Variants in SYNJ2 observed in about 807,000 individuals in gnomAD.
SYNJ2 encodes polyphosphatidylinositol phosphatase SYNJ2.
A neutral mutation model predicts 141.3 loss-of-function variants in SYNJ2; 116 were observed. The observed-to-expected ratio is 0.82, with a 90% CI of 0.71 to 0.96. SYNJ2 has a LOEUF of 0.96. Ranked by LOEUF, SYNJ2 falls within the 40% of genes least tolerant of loss-of-function variation. The probability of loss-of-function intolerance (pLI) is 0.00; values close to 1 mark genes in which losing one functional copy is unlikely to be tolerated. For missense variants in SYNJ2, 1,873 were observed against 1,934.8 expected, an observed-to-expected ratio of 0.97 and a Z score of 0.60; for synonymous variants, 745 against 777.7, an observed-to-expected ratio of 0.96 and a Z score of 0.70.
intron 17 of SYNJ2, 103 bp from the exon 18 acceptor site, chr6:158,078,061 G>T: frequency 1.5e-6 from 1 of 680,966 alleles, no homozygotes; most frequent in Non-Finnish European, 2.5e-6. Context: ...TGGGACGTGG[G>T]GTGGTTCGTG....
At position 158,059,283 on chromosome 6, in the gene SYNJ2, A is replaced by T; in HGVS notation, c.884A>T (p.Tyr295Phe). The T allele has an allele frequency of 2.6e-6, 4 of 1,550,370 alleles. No individual in the cohort carries two copies. In the South Asian group the frequency reaches 3.6e-5, roughly 14 times the overall value. The part of the protein sequence containing the change: ...DRHMVLLKEQ[Y>F]GQQVVVNLLG... ...CACATGGTGCTTCTGAAGGAGCAGT[A>T]CGGGCAGCAGGTGGTCGTGAACCTT... Residue 295 changes from tyrosine to phenylalanine, a missense_variant, in exon 7 of 27, where the codon TAC becomes TTC. Transcript: ENST00000355585.
chr6:158,084,225 G>C lies in SYNJ2; in HGVS notation c.3208+51G>C, dbSNP rs1328929136. ...AGCCTCAGCGATGGAGTCAGCTCAG[G>C]ACAGACTTTCCTTTTTCTCTTGGCG... On this transcript the variant is annotated intron_variant, in intron 22 of 26. Transcript: ENST00000355585. The surrounding 1 kb of genome is among the most constrained non-coding windows in gnomAD (Gnocchi z 5.0). 2 of 1,571,068 alleles carry C rather than the reference G, an allele frequency of 1.3e-6. No homozygotes were observed. The highest frequency in any genetic ancestry group is 1.7e-6 in the Non-Finnish European group (2 of 1,158,236).
intron 1 of SYNJ2, among the ~76,000 whole-genome samples, chr6:157,987,330 T>C (rs901038694): frequency 3.9e-5 from 6 of 152,200 alleles, no homozygotes; most frequent in East Asian, 1.9e-4. Context: ...AAAGTGATCA[T>C]ATATGTGTAC....
At chr6:157,991,610 G>A (rs901521502) in intron 1 of SYNJ2, among the ~76,000 whole-genome samples, 10 of 152,068 alleles carry the variant, frequency 6.6e-5, no homozygotes, top group Admixed American at 6.5e-4. Context: ...GATTCCATGC[G>A]TCTTAAAAGA....
intron 15 of SYNJ2, among the ~76,000 whole-genome samples, chr6:158,073,054 A>G (rs1782035763): frequency 7.4e-6 from 1 of 135,396 alleles, no homozygotes; most frequent in Non-Finnish European, 1.6e-5. Context: ...TCGGCAACAG[A>G]GCGAGACTCT....
rs1782830132 is a variant in SYNJ2, at chr6:158,083,429, G to T, written c.2866G>T (p.Val956Leu). ...CTGGGTGGCCGCTCTGCCCTCCCAG[G>T]TGAAAGGCAGAGCAGTGAAGATTAG... ...LSVLDVDGMK[V>L]KGRAVKIRPK... The change falls in exon 21 of 27, where the codon GTG becomes TTG. Residue 956 changes from valine (V) to leucine (L), a missense_variant and splice_region_variant. By Grantham distance (32) the Val-to-Leu change is conservative (BLOSUM62 1). Transcript: ENST00000355585. The T allele has an allele frequency of 6.2e-7, 1 of 1,613,584 alleles. No individual in the cohort carries two copies. Among genetic ancestry groups the T allele is most frequent in the Non-Finnish European group, 8.5e-7 (1 of 1,179,598 alleles).
chr6:158,091,836 G>GAA (rs1783476834), intron 25 of SYNJ2, among the ~76,000 whole-genome samples: 1 of 151,234 alleles, frequency 6.6e-6, no homozygotes. Flanking sequence ...GTGAAAGAAA[G>GAA]AAAAAAAGGC....
intron 4 of SYNJ2, among the ~76,000 whole-genome samples, chr6:158,038,970 C>A (rs1779788353): frequency 6.6e-6 from 1 of 152,214 alleles, no homozygotes; most frequent in Admixed American, 6.5e-5. Context: ...GGGACCAGGG[C>A]ATGGGCCTGG....
intron 5 of SYNJ2, 98 bp from the exon 6 acceptor site, chr6:158,054,869 G>T: frequency 7.6e-7 from 1 of 1,314,600 alleles, no homozygotes. Context: ...GGTGCCACAT[G>T]CAGCCTGGCT....
intron 1 of SYNJ2, among the ~76,000 whole-genome samples, chr6:158,009,018 C>T (rs1376653184): frequency 1.3e-5 from 2 of 152,186 alleles, no homozygotes; most frequent in Non-Finnish European, 2.9e-5. Context: ...GTGCTTCTGC[C>T]GCAGGACCTT....
intron 26 of SYNJ2, chr6:158,093,813 C>A: frequency 1.4e-6 from 1 of 725,978 alleles, no homozygotes; most frequent in Admixed American, 1.8e-5. Flanking sequence ...TTCCCAGATT[C>A]GCCATGTTCA....
chr6:158,003,928 A>C (rs1200212643), intron 1 of SYNJ2, among the ~76,000 whole-genome samples: 1 of 152,204 alleles, frequency 6.6e-6, no homozygotes, highest in Non-Finnish European at 1.5e-5. Flanking sequence ...GGACCACTGG[A>C]GCTGGAGACG....
At chr6:158,026,765 G>A (rs1779069752) in intron 2 of SYNJ2, 1 of 939,886 alleles carries the variant, frequency 1.1e-6, no homozygotes, top group Non-Finnish European at 1.3e-6. Flanking sequence ...AGCCACAGGG[G>A]CCATCCTCCT....
At chr6:158,014,195 G>A (rs1286554217) in intron 1 of SYNJ2, among the ~76,000 whole-genome samples, 1 of 152,200 alleles carries the variant, frequency 6.6e-6, no homozygotes, top group Non-Finnish European at 1.5e-5. Context: ...AGGCTAACAT[G>A]TGTTCTGGAT....
intron 1 of SYNJ2, among the ~76,000 whole-genome samples, chr6:157,995,521 C>T (rs1368127641): frequency 6.6e-6 from 1 of 152,232 alleles, no homozygotes; most frequent in Non-Finnish European, 1.5e-5. Flanking sequence ...GGATCATACA[C>T]TCAGGAAAGC....
intron 2 of SYNJ2, among the ~76,000 whole-genome samples, chr6:158,023,707 T>C (rs1000104651): frequency 2.0e-5 from 3 of 151,988 alleles, no homozygotes; most frequent in Non-Finnish European, 2.9e-5. Flanking sequence ...AGGAAGTAAC[T>C]CCCCCTAGGA....
chr6:158,049,514 A>G (rs921201963), intron 5 of SYNJ2, among the ~76,000 whole-genome samples: 1 of 152,202 alleles, frequency 6.6e-6, no homozygotes, highest in African/African-American at 2.4e-5. Context: ...CTTTTGCCCA[A>G]GGCCTCACTG....
chr6:158,018,368 C>T (rs1015354850), intron 2 of SYNJ2, among the ~76,000 whole-genome samples: 1 of 152,168 alleles, frequency 6.6e-6, no homozygotes, highest in African/African-American at 2.4e-5. Context: ...AGACAAGAGC[C>T]CAGTCGCATT....
intron 1 of SYNJ2, among the ~76,000 whole-genome samples, chr6:158,014,077 T>C (rs1355592765): frequency 6.6e-6 from 1 of 152,246 alleles, no homozygotes; most frequent in Non-Finnish European, 1.5e-5. Flanking sequence ...CAAATACCCA[T>C]GGGACCATTC....
Sources: allele counts gnomAD v4.1 joint callset (sites outside exome capture counted in the v4.1 genomes callset), GRCh38; gene constraint gnomAD v4.1.1; non-coding constraint Gnocchi (gnomAD v3.1); transcripts MANE v1.5; gene names NCBI Gene and HGNC (gene_info 2026-07-23, HGNC 2026-07-21).